Variants in GRIN3A observed in about 807,000 individuals in gnomAD.
GRIN3A encodes the protein glutamate receptor ionotropic, NMDA 3A.
GRIN3A carries 47 observed loss-of-function variants against 92.4 expected under a neutral mutation model. The observed-to-expected ratio is 0.51, with a 90% CI of 0.40 to 0.65. The LOEUF is 0.65. GRIN3A is among the 30% of genes least tolerant of loss of function. GRIN3A has a pLI of 0.00. For synonymous variants in GRIN3A, 527 were observed against 540.6 expected (o/e 0.97, Z 0.35); for missense variants, 1,324 against 1,393.1 (o/e 0.95, Z 0.79).
At chr9:101,685,308 CTTTTT>C (rs35028586) in intron 2 of GRIN3A, among the ~76,000 whole-genome samples, 1 of 115,230 alleles carries the variant, frequency 8.7e-6, no homozygotes, top group Non-Finnish European at 1.8e-5. Context: ...TTTATCATGT[CTTTTT>C]TTTTTTTTTT....
chr9:101,635,891 G>C (rs1828777841), intron 3 of GRIN3A, among the ~76,000 whole-genome samples: 1 of 152,122 alleles, frequency 6.6e-6, no homozygotes, highest in African/African-American at 2.4e-5. Context: ...TTATTTATTT[G>C]TTTGTTTATT....
intron 1 of GRIN3A, among the ~76,000 whole-genome samples, chr9:101,692,389 G>C (rs1172287703): frequency 1.3e-5 from 2 of 152,152 alleles, no homozygotes; most frequent in Non-Finnish European, 2.9e-5. Flanking sequence ...TTCTCTCAGA[G>C]AGCACAGATT....
chr9:101,592,111 T>A (rs1184221983), intron 6 of GRIN3A: 2 of 152,158 alleles, frequency 1.3e-5, no homozygotes, highest in African/African-American at 4.8e-5. Context: ...AATGAGAGAT[T>A]TTGTTTTAAA....
At chr9:101,710,802 A>T (rs1360887336) in intron 1 of GRIN3A, among the ~76,000 whole-genome samples, 1 of 152,210 alleles carries the variant, frequency 6.6e-6, no homozygotes, top group Non-Finnish European at 1.5e-5. Flanking sequence ...AAAGCAAATC[A>T]TTCACATTAA....
At chr9:101,659,318 TTA>T (rs1435207957) in intron 3 of GRIN3A, among the ~76,000 whole-genome samples, 2 of 151,514 alleles carry the variant, frequency 1.3e-5, no homozygotes. Context: ...ACATAAATAT[TTA>T]TAGATATCTT....
rs1162763085 is a variant in GRIN3A, at chr9:101,686,636, C to T, written c.1264G>A (p.Val422Met). 1.2e-6 allele frequency: 2 copies of T among 1,614,016 alleles called. No individual in the cohort carries two copies. Among genetic ancestry groups the T allele is most frequent in the Non-Finnish European group, 1.7e-6 (2 of 1,180,036 alleles). The change falls in exon 2 of 9, where the codon GTG becomes ATG. Residue 422 changes from valine to methionine, a missense_variant. Coordinates refer to ENST00000361820, the MANE Select transcript of GRIN3A (RefSeq NM_133445.3). ...LIPSTMNCME[V>M]ETTNLTSGQY... is the part of the protein sequence containing the mutation. Reference sequence around the variant, plus strand: ...CCTGAAGTGAGATTTGTAGTTTCCACCTCCATGCAGTTCATCGTGCTGGGA... The same window carrying T: ...CCTGAAGTGAGATTTGTAGTTTCCATCTCCATGCAGTTCATCGTGCTGGGA...
At chr9:101,723,217 C>T (rs960426425) in intron 1 of GRIN3A, among the ~76,000 whole-genome samples, 8 of 152,150 alleles carry the variant, frequency 5.3e-5, no homozygotes, top group African/African-American at 1.2e-4. Context: ...TAAGGTGGCG[C>T]GTCTGGAGTT....
At chr9:101,603,679 C>T (rs1828238925) in intron 6 of GRIN3A, among the ~76,000 whole-genome samples, 1 of 152,190 alleles carries the variant, frequency 6.6e-6, no homozygotes, top group Admixed American at 6.5e-5. Flanking sequence ...TTACCTGTGA[C>T]TGGATAACAA....
intron 2 of GRIN3A, 46 bp downstream of exon 2, chr9:101,686,550 G>C: frequency 6.2e-7 from 1 of 1,608,992 alleles, no homozygotes; most frequent in Non-Finnish European, 8.5e-7. Flanking sequence ...TTTACTCTCT[G>C]TCATGGCCCT....
chr9:101,717,493 G>A (rs1829962286), intron 1 of GRIN3A, among the ~76,000 whole-genome samples: 1 of 152,104 alleles, frequency 6.6e-6, no homozygotes, highest in African/African-American at 2.4e-5. Context: ...CTAAAGAGTC[G>A]TACTTAATGA....
intron 6 of GRIN3A, among the ~76,000 whole-genome samples, chr9:101,605,785 C>G (rs1204544074): frequency 6.6e-6 from 1 of 152,210 alleles, no homozygotes; most frequent in African/African-American, 2.4e-5. Flanking sequence ...TTCTCCTTTT[C>G]CCTATCCCAT....
chr9:101,655,402 T>C (rs1252416540), intron 3 of GRIN3A, among the ~76,000 whole-genome samples: 1 of 151,948 alleles, frequency 6.6e-6, no homozygotes, highest in African/African-American at 2.4e-5. Context: ...TTATGGTAAT[T>C]CACAAGTACT....
At chr9:101,599,285 A>T (rs549626328) in intron 6 of GRIN3A, among the ~76,000 whole-genome samples, 2 of 152,336 alleles carry the variant, frequency 1.3e-5, no homozygotes, top group African/African-American at 4.8e-5. Context: ...AGACAGTATT[A>T]GGAAGATGGT....
intron 6 of GRIN3A, among the ~76,000 whole-genome samples, chr9:101,604,420 G>A (rs1828250680): frequency 1.3e-5 from 2 of 152,128 alleles, no homozygotes; most frequent in African/African-American, 4.8e-5. Flanking sequence ...TGCTTCTTCG[G>A]GTTTTCAGAA....
At chr9:101,611,020 C>T (rs1461847726) in intron 6 of GRIN3A, among the ~76,000 whole-genome samples, 1 of 151,554 alleles carries the variant, frequency 6.6e-6, no homozygotes, top group Non-Finnish European at 1.5e-5. Flanking sequence ...ATGGTGTGAA[C>T]CTGGGAGGTG....
intron 1 of GRIN3A, among the ~76,000 whole-genome samples, chr9:101,689,294 C>T (rs2118982877): frequency 6.6e-6 from 1 of 152,286 alleles, no homozygotes; most frequent in Non-Finnish European, 1.5e-5. Context: ...CATTCTCCTG[C>T]ACCATAACCT....
chr9:101,670,010 A>T, intron 3 of GRIN3A, 50 bp downstream of exon 3: 2 of 1,320,964 alleles, frequency 1.5e-6, no homozygotes, highest in Non-Finnish European at 1.1e-6. Context: ...GATACAACAT[A>T]CGGAATTATA....
chr9:101,701,252 G>C (rs1240701759), intron 1 of GRIN3A, among the ~76,000 whole-genome samples: 1 of 152,102 alleles, frequency 6.6e-6, no homozygotes. Context: ...ACATGTGCAG[G>C]ATGTGCAGAT....
Position 101,737,753 on chromosome 9 carries a change from G to T in GRIN3A, c.227C>A (p.Ala76Asp), listed in dbSNP as rs1156422890. The change falls in exon 1 of 9, where the codon GCC (alanine) becomes GAC (aspartate). Residue 76 changes from alanine to aspartate, a missense_variant. Transcript: ENST00000361820. ...CCCTGGCTCCGGCTCATCCCTCTGG[G>T]CTCCTGCTCGGCTGTCGTCCGGAGC... ...SRAPDDSRAGAQRDEPEPGTR... is the reference protein window; with the variant it reads ...SRAPDDSRAGDQRDEPEPGTR... 6.5e-7 allele frequency: 1 copy of T among 1,529,222 alleles called. No homozygotes were observed. Among genetic ancestry groups the T allele is most frequent in the Admixed American group, 2.0e-5 (1 of 50,538 alleles). 94.7% of individuals were successfully genotyped at this position (1,529,222 alleles called of 1,614,324 possible). A position where few individuals can be genotyped will look rare whatever the true frequency, so the allele number is the denominator to read the frequency against.
Sources: gnomAD v4.1 joint callset for allele counts (sites outside exome capture counted in the v4.1 genomes callset) on GRCh38, gnomAD v4.1.1 for gene constraint, MANE v1.5 for transcripts, NCBI Gene and HGNC (gene_info 2026-07-23, HGNC 2026-07-21) for gene names.